The following SCHIP1 variants were observed in gnomAD, a reference collection of about 807,000 sequenced individuals.
SCHIP1 encodes schwannomin-interacting protein 1.
Under a neutral mutation model 29.7 loss-of-function variants are expected in SCHIP1, and 8 were observed. That is an observed-to-expected ratio of 0.27 (90% CI 0.16 to 0.49). The LOEUF is 0.49. SCHIP1 is among the 20% of genes least tolerant of loss of function. SCHIP1 has a pLI of 0.99. For synonymous variants in SCHIP1, 76 were observed against 94.9 expected (o/e 0.80, Z 1.16); for missense variants, 193 against 294.6 (o/e 0.66, Z 2.52).
At chr3:159,578,508 A>G in the SCHIP1 span, among the ~76,000 whole-genome samples, 491 of 152,296 alleles carry the variant, frequency 3.2e-3, 4 homozygotes, top group African/African-American at 0.011. Flanking sequence ...TTAGTTTCCT[A>G]TTGCTGCTGT....
At chr3:159,327,516 TAATTA>T in the SCHIP1 span, among the ~76,000 whole-genome samples, 2 of 152,206 alleles carry the variant, frequency 1.3e-5, no homozygotes, top group Non-Finnish European at 2.9e-5. Flanking sequence ...AGGGTTTCTT[TAATTA>T]AAGAGTCCTA....
chr3:159,551,711 T>C, the SCHIP1 span, among the ~76,000 whole-genome samples: 1 of 152,196 alleles, frequency 6.6e-6, no homozygotes, highest in African/African-American at 2.4e-5. Flanking sequence ...ATTAAAGTGT[T>C]GTTTGTGCTT....
At chr3:159,709,613 A>G in the SCHIP1 span, among the ~76,000 whole-genome samples, 747 of 152,264 alleles carry the variant, frequency 4.9e-3, 10 homozygotes, top group Admixed American at 0.022. Flanking sequence ...GAACGAATTG[A>G]TTTCTGCTGA....
intron 1 of SCHIP1, among the ~76,000 whole-genome samples, chr3:159,847,401 A>G (rs146047858): frequency 2.0e-5 from 3 of 152,324 alleles, no homozygotes; most frequent in Non-Finnish European, 2.9e-5. Flanking sequence ...TGGTGTACTT[A>G]GTATTCCCCT....
At chr3:159,646,158 A>G in the SCHIP1 span, among the ~76,000 whole-genome samples, 1 of 152,154 alleles carries the variant, frequency 6.6e-6, no homozygotes, top group East Asian at 1.9e-4. Context: ...CCATGGGGGA[A>G]TTCTGATGGG....
At chr3:159,894,297 G>A (rs1717846446) in intron 6 of SCHIP1, 1 of 152,104 alleles carries the variant, frequency 6.6e-6, no homozygotes, top group Admixed American at 6.5e-5. Flanking sequence ...TGGCTCTTTA[G>A]CATTCATTCT....
chr3:159,879,935 A>G (rs527321052), intron 2 of SCHIP1, among the ~76,000 whole-genome samples: 79 of 152,340 alleles, frequency 5.2e-4, no homozygotes, highest in African/African-American at 1.8e-3. Flanking sequence ...GTGCCACAGA[A>G]TGGCCGGTGT....
the SCHIP1 span, among the ~76,000 whole-genome samples, chr3:159,382,751 C>T: frequency 6.6e-6 from 1 of 152,156 alleles, no homozygotes; most frequent in Non-Finnish European, 1.5e-5. Context: ...TATTTCTCCA[C>T]ATCCTCTCCA....
chr3:159,347,229 A>C, the SCHIP1 span, among the ~76,000 whole-genome samples: 5 of 152,234 alleles, frequency 3.3e-5, no homozygotes, highest in Non-Finnish European at 5.9e-5. Flanking sequence ...AACAAGGTGC[A>C]CCAAAGGGTA....
chr3:159,508,336 G>A, the SCHIP1 span, among the ~76,000 whole-genome samples: 1 of 152,130 alleles, frequency 6.6e-6, no homozygotes, highest in Admixed American at 6.5e-5. Flanking sequence ...TTTTTATTGT[G>A]TCTATTTGAT....
the SCHIP1 span, among the ~76,000 whole-genome samples, chr3:159,348,183 G>C: frequency 4.5e-4 from 68 of 152,070 alleles, no homozygotes; most frequent in African/African-American, 1.5e-3. Context: ...AAACTTATTG[G>C]TGACAGACAC....
chr3:159,434,606 A>T, the SCHIP1 span, among the ~76,000 whole-genome samples: 1 of 152,114 alleles, frequency 6.6e-6, no homozygotes, highest in Admixed American at 6.6e-5. Context: ...AGGCATGAGG[A>T]ATTTCCATGT....
the SCHIP1 span, among the ~76,000 whole-genome samples, chr3:159,581,084 T>C: frequency 6.6e-6 from 1 of 152,200 alleles, no homozygotes; most frequent in Non-Finnish European, 1.5e-5. Flanking sequence ...GTGTTGATAG[T>C]ACTTTCTTGT....
chr3:159,696,716 G>A, the SCHIP1 span, among the ~76,000 whole-genome samples: 1 of 152,318 alleles, frequency 6.6e-6, no homozygotes, highest in East Asian at 1.9e-4. Flanking sequence ...GACTCTGTGG[G>A]TGTCGGGGTT....
the SCHIP1 span, among the ~76,000 whole-genome samples, chr3:159,392,813 T>G: frequency 6.6e-6 from 1 of 152,198 alleles, no homozygotes; most frequent in Non-Finnish European, 1.5e-5. Context: ...TTTGTAGTCC[T>G]TTGGGTATAT....
the SCHIP1 span, among the ~76,000 whole-genome samples, chr3:159,709,849 T>G: frequency 2.0e-5 from 3 of 152,218 alleles, no homozygotes; most frequent in African/African-American, 7.2e-5. Flanking sequence ...CTCCATCTTG[T>G]TACAAGAAGA....
the SCHIP1 span, among the ~76,000 whole-genome samples, chr3:159,365,345 G>GT: frequency 6.6e-6 from 1 of 151,998 alleles, no homozygotes; most frequent in Admixed American, 6.6e-5. Flanking sequence ...TGAAACATGC[G>GT]TTTTTTTCTG....
At chr3:159,704,906 TTATTTCTTTC>T in the SCHIP1 span, among the ~76,000 whole-genome samples, 1 of 53,350 alleles carries the variant, frequency 1.9e-5, no homozygotes, top group Non-Finnish European at 3.2e-5. Context: ...CTTTCTTTCT[TTATTTCTTTC>T]TTTCTTTCTT....
the SCHIP1 span, among the ~76,000 whole-genome samples, chr3:159,453,399 G>GT: frequency 6.6e-6 from 1 of 152,178 alleles, no homozygotes; most frequent in Non-Finnish European, 1.5e-5. Flanking sequence ...GAGTGTCTGT[G>GT]TTAAAAACCA....
Sources: gnomAD v4.1 joint callset for allele counts (sites outside exome capture counted in the v4.1 genomes callset) on GRCh38, gnomAD v4.1.1 for gene constraint, MANE v1.5 for transcripts, NCBI Gene and HGNC (gene_info 2026-07-23, HGNC 2026-07-21) for gene names.